PRKCB: variants seen among roughly 807,000 people sequenced by gnomAD.
PRKCB encodes the protein protein kinase C beta type.
Under a neutral mutation model 81.5 loss-of-function variants are expected in PRKCB, and 13 were observed. The ratio of observed to expected loss-of-function variants is 0.16; its 90% CI spans 0.10 to 0.25. PRKCB has a LOEUF of 0.25. Among genes scored for constraint, PRKCB ranks in the 10% least tolerant of loss-of-function variants. PRKCB has a pLI of 1.00. For missense variants in PRKCB, 509 were observed against 875.7 expected, an observed-to-expected ratio of 0.58 and a Z score of 5.29; for synonymous variants, 335 against 321.4, an observed-to-expected ratio of 1.04 and a Z score of -0.45.
At chr16:24,059,503 A>AT (rs558821020) in intron 5 of PRKCB, among the ~76,000 whole-genome samples, 43 of 147,478 alleles carry the variant, frequency 2.9e-4, no homozygotes, top group Middle Eastern at 3.5e-3. Context: ...ACAAAAAAAA[A>AT]TTTTTTTTTT....
chr16:24,124,366 A>G (rs968566446), intron 9 of PRKCB, among the ~76,000 whole-genome samples: 8 of 152,212 alleles, frequency 5.3e-5, no homozygotes, highest in Non-Finnish European at 7.3e-5. Flanking sequence ...AAGGAGGTAT[A>G]GGACGTGATG....
chr16:23,971,038 G>A (rs1404840458), intron 2 of PRKCB, among the ~76,000 whole-genome samples: 2 of 152,338 alleles, frequency 1.3e-5, no homozygotes, highest in South Asian at 2.1e-4. Context: ...TATAGTAGAT[G>A]TACTTTCTAT....
chr16:23,953,877 A>G (rs986645865), intron 2 of PRKCB, among the ~76,000 whole-genome samples: 3 of 123,672 alleles, frequency 2.4e-5, no homozygotes, highest in African/African-American at 9.4e-5. Flanking sequence ...CGTTACAGGG[A>G]AGGCATCCAT....
intron 12 of PRKCB, among the ~76,000 whole-genome samples, 170 bp from the exon 13 acceptor site, chr16:24,180,620 T>C (rs1265134280): frequency 1.3e-5 from 2 of 152,178 alleles, no homozygotes; most frequent in African/African-American, 4.8e-5. Flanking sequence ...TGCGGACCTC[T>C]TTTTATCTCC....
intron 2 of PRKCB, among the ~76,000 whole-genome samples, chr16:23,967,230 G>A (rs1244429119): frequency 2.6e-5 from 4 of 152,170 alleles, no homozygotes; most frequent in Non-Finnish European, 5.9e-5. Context: ...AGCAGATGAC[G>A]CTGCCACCAG....
At chr16:23,854,229 G>T (rs973644861) in intron 2 of PRKCB, among the ~76,000 whole-genome samples, 4 of 152,092 alleles carry the variant, frequency 2.6e-5, no homozygotes, top group Non-Finnish European at 5.9e-5. Flanking sequence ...TTGAGGCCGG[G>T]TTAGTTCTCT....
chr16:24,035,861 C>T (rs1457545472), intron 5 of PRKCB, among the ~76,000 whole-genome samples: 3 of 152,208 alleles, frequency 2.0e-5, no homozygotes, highest in Non-Finnish European at 4.4e-5. Context: ...TTCTCTCCTT[C>T]TCATTTCCCA....
At position 24,219,224 on chromosome 16, in the gene PRKCB, G is replaced by A; in HGVS notation, c.*4408G>A. On this transcript the variant is annotated 3_prime_UTR_variant, in exon 17 of 17. Transcript: ENST00000643927. ...AAAAGAAATGCCAGACTTACTAGGA[G>A]AATCGAGTTGCTTTGAGTTTCTTTT... The A allele has an allele frequency of 1.0e-6, 1 of 971,922 alleles. No homozygotes were observed. The highest frequency in any genetic ancestry group is 1.2e-6 in the Non-Finnish European group (1 of 823,888). 60.2% of individuals were successfully genotyped at this position (971,922 alleles called of 1,614,324 possible).
intron 5 of PRKCB, among the ~76,000 whole-genome samples, chr16:24,052,195 G>A (rs747647923): frequency 5.9e-5 from 9 of 152,294 alleles, no homozygotes; most frequent in Admixed American, 2.6e-4. Context: ...AGGATGAAAA[G>A]CAATGTCCTG....
intron 16 of PRKCB, among the ~76,000 whole-genome samples, chr16:24,196,202 T>TCTA (rs1270962394): frequency 6.6e-6 from 1 of 152,180 alleles, no homozygotes; most frequent in Non-Finnish European, 1.5e-5. Flanking sequence ...GTTTAGCACA[T>TCTA]TATAGGTGCT....
intron 16 of PRKCB, among the ~76,000 whole-genome samples, chr16:24,204,960 A>G (rs1968020889): frequency 6.6e-6 from 1 of 151,848 alleles, no homozygotes; most frequent in Non-Finnish European, 1.5e-5. Context: ...TCTCTACTAA[A>G]AATACAAAAA....
chr16:24,194,321 G>A (rs1053919390), intron 16 of PRKCB, among the ~76,000 whole-genome samples: 7 of 151,618 alleles, frequency 4.6e-5, no homozygotes, highest in Admixed American at 2.0e-4. Flanking sequence ...GCAAGACTCC[G>A]TCTCAAAAAC....
chr16:24,046,852 A>G (rs1162947651), intron 5 of PRKCB, among the ~76,000 whole-genome samples: 2 of 152,108 alleles, frequency 1.3e-5, no homozygotes, highest in Non-Finnish European at 2.9e-5. Context: ...AGGCCCCAAA[A>G]CCACCCAGTG....
chr16:23,881,440 C>T (rs145932767), intron 2 of PRKCB, among the ~76,000 whole-genome samples: 2,315 of 152,036 alleles, frequency 0.015, 59 homozygotes, highest in African/African-American at 0.051. Context: ...TTAGGAGAGA[C>T]GGGGTTTCAT....
In PRKCB at chr16:23,883,083, G is replaced by A. The variant is rs577001171; in HGVS notation, c.205+45677G>A. ...CACTGAACAAGGCTGGGGGCATAGCGTGGCTTACATAGGTCCCCACCCTCC... is the reference window on the plus strand; with the variant it reads ...CACTGAACAAGGCTGGGGGCATAGCATGGCTTACATAGGTCCCCACCCTCC... On this transcript the variant is annotated intron_variant, in intron 2 of 16. Transcript: ENST00000643927. 2.4e-4 allele frequency among the ~76,000 whole-genome samples: 37 copies of A among 152,202 alleles called. No homozygotes were observed. The South Asian group carries it at 6.2e-3, about 26-fold the overall frequency.
At chr16:23,987,011 A>G (rs1385191198) in intron 2 of PRKCB, among the ~76,000 whole-genome samples, 1 of 152,350 alleles carries the variant, frequency 6.6e-6, no homozygotes, top group South Asian at 2.1e-4. Context: ...TTCATTCCCT[A>G]ATATCAGTAA....
At chr16:24,209,525 C>T (rs1275703694) in intron 16 of PRKCB, among the ~76,000 whole-genome samples, 1 of 152,112 alleles carries the variant, frequency 6.6e-6, no homozygotes, top group Non-Finnish European at 1.5e-5. Context: ...CCTCGTGTTC[C>T]TCTCTTACTA....
intron 2 of PRKCB, chr16:23,892,986 C>A (rs1171062528): frequency 6.7e-6 from 1 of 150,256 alleles, no homozygotes; most frequent in Admixed American, 6.6e-5. Flanking sequence ...ATCTGCATTC[C>A]TTGATCACTC....
At chr16:24,144,127 GAGAGAGAGAA>G (rs1445382307) in intron 9 of PRKCB, among the ~76,000 whole-genome samples, 1 of 150,368 alleles carries the variant, frequency 6.7e-6, no homozygotes, top group African/African-American at 2.5e-5. Context: ...GAGAAAGTAG[GAGAGAGAGAA>G]AGAGAGAGAG....
Sources: allele counts gnomAD v4.1 joint callset (sites outside exome capture counted in the v4.1 genomes callset), GRCh38; gene constraint gnomAD v4.1.1; transcripts MANE v1.5; gene names NCBI Gene and HGNC (gene_info 2026-07-23, HGNC 2026-07-21).